The following HMGA2 variants were observed in gnomAD, a reference collection of about 807,000 sequenced individuals.
HMGA2 encodes high mobility group AT-hook 2, also known as high mobility group protein HMGI-C.
A neutral mutation model predicts 19.1 loss-of-function variants in HMGA2; 8 were observed. The ratio of observed to expected loss-of-function variants is 0.42; its 90% CI spans 0.25 to 0.76. HMGA2 has a LOEUF of 0.76. Among genes scored for constraint, HMGA2 ranks in the 30% least tolerant of loss-of-function variants. The pLI is 0.28. For missense variants in HMGA2, 109 were observed against 136.3 expected, an observed-to-expected ratio of 0.80 and a Z score of 1.00; for synonymous variants, 60 against 48.8, an observed-to-expected ratio of 1.23 and a Z score of -0.96.
chr12:65,863,910 T>C (rs966443545), intron 3 of HMGA2, among the ~76,000 whole-genome samples: 2 of 152,220 alleles, frequency 1.3e-5, no homozygotes, highest in Non-Finnish European at 1.5e-5. Context: ...CTCTGTTCTG[T>C]AAAGGTAATT....
At chr12:65,874,404 A>G (rs1872868371) in intron 3 of HMGA2, among the ~76,000 whole-genome samples, 1 of 152,188 alleles carries the variant, frequency 6.6e-6, no homozygotes, top group South Asian at 2.1e-4. Flanking sequence ...TGTGAGGTGA[A>G]TACTCAAGAA....
intron 3 of HMGA2, among the ~76,000 whole-genome samples, chr12:65,904,190 A>C (rs1416297424): frequency 6.6e-6 from 1 of 152,088 alleles, no homozygotes; most frequent in East Asian, 1.9e-4. Context: ...GAATTAACTC[A>C]TGGGTTGAGA....
chr12:65,851,720 T>C (rs1871480888), intron 3 of HMGA2: 1 of 383,756 alleles, frequency 2.6e-6, no homozygotes, highest in Non-Finnish European at 5.2e-6. Context: ...TGTTGTCAGC[T>C]TTCCATTTTC....
chr12:65,837,280 G>A (rs1565702455), intron 2 of HMGA2, among the ~76,000 whole-genome samples: 1 of 152,190 alleles, frequency 6.6e-6, no homozygotes, highest in Non-Finnish European at 1.5e-5. Context: ...GGTGAGAAAT[G>A]TTGTGGCTTA....
At chr12:65,894,544 A>T (rs1356613720) in intron 3 of HMGA2, among the ~76,000 whole-genome samples, 1 of 152,198 alleles carries the variant, frequency 6.6e-6, no homozygotes, top group Non-Finnish European at 1.5e-5. Flanking sequence ...TAAGCATTTT[A>T]TTCATAAGAA....
At chr12:65,854,213 G>A (rs975290041) in intron 3 of HMGA2, among the ~76,000 whole-genome samples, 14 of 152,166 alleles carry the variant, frequency 9.2e-5, no homozygotes, top group Non-Finnish European at 1.8e-4. Flanking sequence ...TAGATTGCTA[G>A]ATAAGAGAAA....
intron 3 of HMGA2, among the ~76,000 whole-genome samples, chr12:65,902,864 A>G (rs1319215040): frequency 6.6e-6 from 1 of 152,188 alleles, no homozygotes; most frequent in East Asian, 1.9e-4. Context: ...CTCTTGTCCC[A>G]TACAAAATAT....
At chr12:65,845,856 A>C (rs1189739047) in intron 3 of HMGA2, among the ~76,000 whole-genome samples, 1 of 152,228 alleles carries the variant, frequency 6.6e-6, no homozygotes, top group East Asian at 1.9e-4. Context: ...TTATTGCTCC[A>C]GCCAGCTCTA....
chr12:65,862,787 C>G (rs1207063139), intron 3 of HMGA2, among the ~76,000 whole-genome samples: 1 of 152,118 alleles, frequency 6.6e-6, no homozygotes, highest in African/African-American at 2.4e-5. Flanking sequence ...GAAGCCATGG[C>G]TGTGGATAAA....
At chr12:65,890,506 CGT>C (rs1463816809) in intron 3 of HMGA2, among the ~76,000 whole-genome samples, 3 of 152,040 alleles carry the variant, frequency 2.0e-5, no homozygotes, top group Non-Finnish European at 1.5e-5. Context: ...ATTTCTATAA[CGT>C]TGCCTAAGGT....
intron 3 of HMGA2, 116 bp from the exon 4 acceptor site, chr12:65,951,267 C>G: frequency 1.5e-6 from 1 of 687,402 alleles, no homozygotes; most frequent in Non-Finnish European, 2.5e-6. Context: ...ACCAGTTGAA[C>G]TTTATACTTT....
chr12:65,922,162 G>A (rs1452477889), intron 3 of HMGA2, among the ~76,000 whole-genome samples: 1 of 152,216 alleles, frequency 6.6e-6, no homozygotes, highest in Admixed American at 6.5e-5. Flanking sequence ...GCCTAGTGGA[G>A]CTGTGAGAAG....
At chr12:65,962,849 C>T (rs1162429327) in intron 4 of HMGA2, among the ~76,000 whole-genome samples, 2 of 151,926 alleles carry the variant, frequency 1.3e-5, no homozygotes, top group Non-Finnish European at 2.9e-5. Context: ...GAAAGGATCC[C>T]CCTAACTCTA....
intron 3 of HMGA2, among the ~76,000 whole-genome samples, chr12:65,895,476 T>G (rs919613297): frequency 2.6e-5 from 4 of 152,208 alleles, no homozygotes; most frequent in African/African-American, 9.7e-5. Flanking sequence ...TGTGGCAACT[T>G]TTTCCTACCA....
chr12:65,898,087 G>A (rs1322568812), intron 3 of HMGA2, among the ~76,000 whole-genome samples: 2 of 152,108 alleles, frequency 1.3e-5, no homozygotes, highest in East Asian at 3.9e-4. Context: ...CTGGCTAAGT[G>A]TATGTATTTT....
intron 3 of HMGA2, among the ~76,000 whole-genome samples, chr12:65,941,906 G>A (rs1271540880): frequency 6.6e-6 from 1 of 152,146 alleles, no homozygotes; most frequent in African/African-American, 2.4e-5. Context: ...TTATGGGCAA[G>A]CATACAAGAA....
intron 3 of HMGA2, among the ~76,000 whole-genome samples, chr12:65,870,311 T>C (rs1022473527): frequency 7.2e-5 from 11 of 152,094 alleles, no homozygotes; most frequent in Non-Finnish European, 1.6e-4. Context: ...GAAATATTTT[T>C]GCCAAAATGT....
intron 3 of HMGA2, among the ~76,000 whole-genome samples, chr12:65,944,375 T>C (rs1351935542): frequency 6.6e-6 from 1 of 152,200 alleles, no homozygotes; most frequent in Non-Finnish European, 1.5e-5. Flanking sequence ...GGAGTGGGTA[T>C]GAGAATCTAG....
intron 3 of HMGA2, chr12:65,866,897 C>G (rs1375753675): frequency 2.2e-6 from 1 of 457,068 alleles, no homozygotes; most frequent in Non-Finnish European, 4.4e-6. Context: ...TTTCCTTCTG[C>G]TGCCATTTTT....
Sources: allele counts gnomAD v4.1 joint callset (sites outside exome capture counted in the v4.1 genomes callset), GRCh38; gene constraint gnomAD v4.1.1; transcripts MANE v1.5; gene names NCBI Gene and HGNC (gene_info 2026-07-23, HGNC 2026-07-21).